PUDP: variants seen among roughly 807,000 people sequenced by gnomAD.
The protein encoded by PUDP is pseudouridine-5'-phosphatase.
A neutral mutation model predicts 9.4 loss-of-function variants in PUDP; 8 were observed. The observed-to-expected ratio is 0.85, with a 90% CI of 0.50 to 1.53. PUDP has a LOEUF of 1.53. PUDP is among the 40% of genes most tolerant of loss of function. The pLI is 0.00. For missense variants in PUDP, 188 were observed against 189.7 expected (o/e 0.99, Z 0.05); for synonymous variants, 99 against 80.7 (o/e 1.23, Z -1.22).
intron 1 of PUDP, among the ~76,000 whole-genome samples, chrX:7,005,217 C>G (rs1002519584): frequency 3.6e-5 from 4 of 110,185 alleles, no homozygotes; most frequent in African/African-American, 1.3e-4. Context: ...TCCACAGTTT[C>G]CAAGAAGGGC....
At chrX:7,043,973 A>C (rs370291215), downstream of PUDP, among the ~76,000 whole-genome samples, 1 of 112,472 alleles carries the variant, frequency 8.9e-6, no homozygotes, top group East Asian at 2.8e-4. Flanking sequence ...CTGTGGCTGA[A>C]AATGCATGCA....
At chrX:7,031,069 G>T (rs969854435) in intron 1 of PUDP, among the ~76,000 whole-genome samples, 1 of 111,095 alleles carries the variant, frequency 9.0e-6, no homozygotes, top group African/African-American at 3.3e-5. Context: ...CTGTCATGGC[G>T]CTGGTGGGAA....
chrX:6,781,146 T>C (rs763177784), intron 3 of PUDP, among the ~76,000 whole-genome samples: 75 of 110,849 alleles, frequency 6.8e-4, no homozygotes, highest in Non-Finnish European at 1.2e-3. Flanking sequence ...CACACACACA[T>C]GCACACACAC....
chrX:6,897,199 C>T (rs12392431), intron 3 of PUDP, among the ~76,000 whole-genome samples: 30,142 of 110,392 alleles, frequency 0.27, 3,180 homozygotes, highest in East Asian at 0.52. Context: ...GAAAGCTACT[C>T]CACTGCTAGG....
At chrX:6,781,859 T>G (rs1043337660) in intron 3 of PUDP, among the ~76,000 whole-genome samples, 3 of 112,340 alleles carry the variant, frequency 2.7e-5, no homozygotes, top group Non-Finnish European at 5.6e-5. Flanking sequence ...TGCAGCCTAA[T>G]GTATTACTAA....
chrX:7,074,570 G>C (rs1930837729), intron 3 of PUDP, among the ~76,000 whole-genome samples: 1 of 112,288 alleles, frequency 8.9e-6, no homozygotes, highest in East Asian at 2.8e-4. Flanking sequence ...GAATGCAAGT[G>C]CCAACATACT....
intron 3 of PUDP, among the ~76,000 whole-genome samples, chrX:6,784,919 G>A (rs1332933950): frequency 8.9e-6 from 1 of 112,103 alleles, no homozygotes; most frequent in Non-Finnish European, 1.9e-5. Context: ...GCACATGCAA[G>A]GATGGGCAAG....
chrX:6,803,107 T>C (rs904618663), intron 3 of PUDP, among the ~76,000 whole-genome samples: 28 of 98,519 alleles, frequency 2.8e-4, no homozygotes, highest in Non-Finnish European at 5.3e-4. Context: ...TAAAATAAAA[T>C]AAAATAAAAT....
intron 3 of PUDP, among the ~76,000 whole-genome samples, chrX:6,786,647 C>T (rs1260446752): frequency 9.0e-6 from 1 of 111,514 alleles, no homozygotes; most frequent in African/African-American, 3.3e-5. Context: ...GTGCACATTT[C>T]ACTCTTCTGA....
intron 1 of PUDP, among the ~76,000 whole-genome samples, chrX:6,710,011 T>G (rs1924513477): frequency 9.0e-6 from 1 of 111,224 alleles, no homozygotes; most frequent in Non-Finnish European, 1.9e-5. Flanking sequence ...TAATCTCAGC[T>G]ACTCACAAGG....
At chrX:6,988,134 T>C (rs1332858649) in intron 1 of PUDP, among the ~76,000 whole-genome samples, 1 of 112,154 alleles carries the variant, frequency 8.9e-6, no homozygotes, top group Non-Finnish European at 1.9e-5. Context: ...TTCTTTTTCA[T>C]CTGCCATCTG....
chrX:6,820,944 C>T (rs1051122842), intron 3 of PUDP, among the ~76,000 whole-genome samples: 5 of 112,040 alleles, frequency 4.5e-5, no homozygotes, highest in South Asian at 3.7e-4. Context: ...TTGCCTTCTG[C>T]ACTGCCCTAG....
At chrX:6,913,617 A>T (rs1569122147) in intron 3 of PUDP, among the ~76,000 whole-genome samples, 2 of 112,010 alleles carry the variant, frequency 1.8e-5, no homozygotes, top group East Asian at 2.8e-4. Flanking sequence ...CTTCCATCAA[A>T]AACTTTTTTG....
chrX:6,722,109 G>T (rs1245553823), upstream of PUDP, among the ~76,000 whole-genome samples: 1 of 108,878 alleles, frequency 9.2e-6, no homozygotes, highest in Non-Finnish European at 1.9e-5. Flanking sequence ...TCCCTTCATC[G>T]CACTACCAAA....
intron 3 of PUDP, among the ~76,000 whole-genome samples, chrX:6,889,190 C>T (rs962844252): frequency 2.7e-5 from 3 of 112,239 alleles, no homozygotes; most frequent in Admixed American, 9.4e-5. Flanking sequence ...GGCAAACATA[C>T]TACTTGCTGG....
At chrX:7,114,841 A>T (rs1012071765) in intron 1 of PUDP, among the ~76,000 whole-genome samples, 15 of 112,590 alleles carry the variant, frequency 1.3e-4, no homozygotes, top group African/African-American at 4.5e-4. Flanking sequence ...AAGAATAAAC[A>T]ATCTATGATG....
intron 1 of PUDP, among the ~76,000 whole-genome samples, chrX:7,135,609 T>G (rs1363233916): frequency 8.9e-6 from 1 of 112,176 alleles, no homozygotes; most frequent in African/African-American, 3.2e-5. Context: ...TTCTTCCATA[T>G]CTCCAACATC....
At position 7,134,045 on chromosome X, in the gene PUDP, T is replaced by A. The variant is rs759860439; in HGVS notation, c.61+14008A>T. On this transcript the variant is annotated intron_variant, in intron 1 of 3. Coordinates refer to ENST00000381077, the MANE Select transcript of PUDP (RefSeq NM_012080.5). ...ATTATATTTTGGTAGGCATGCAATA[T>A]CCTGGAAGATGTCACACATTGCCTG... Among the ~76,000 whole-genome samples, 5 of 112,071 alleles carry A rather than the reference T, an allele frequency of 4.5e-5. No individual in the cohort carries two copies. In the South Asian group the frequency reaches 1.9e-3, roughly 42 times the overall value.
At chrX:7,007,217 GA>G (rs1215733111) in intron 1 of PUDP, among the ~76,000 whole-genome samples, 1 of 111,571 alleles carries the variant, frequency 9.0e-6, no homozygotes, top group Non-Finnish European at 1.9e-5. Context: ...AGCAATTAAG[GA>G]GGGGTAAGGA....
Sources: gnomAD v4.1 joint callset for allele counts (sites outside exome capture counted in the v4.1 genomes callset) on GRCh38, gnomAD v4.1.1 for gene constraint, MANE v1.5 for transcripts, NCBI Gene and HGNC (gene_info 2026-07-23, HGNC 2026-07-21) for gene names.